The following GTF3C1 variants were observed in gnomAD, a reference collection of about 807,000 sequenced individuals.
GTF3C1 encodes general transcription factor 3C polypeptide 1.
GTF3C1 carries 57 observed loss-of-function variants against 226.7 expected under a neutral mutation model. That is an observed-to-expected ratio of 0.25 (90% CI 0.20 to 0.31). The LOEUF is 0.31. Ranked by LOEUF, GTF3C1 falls within the 10% of genes least tolerant of loss-of-function variation. The pLI, the probability that GTF3C1 is intolerant of heterozygous loss-of-function variation, is 1.00. For missense variants in GTF3C1, 2,217 were observed against 2,776.1 expected, an observed-to-expected ratio of 0.80 and a Z score of 4.53; for synonymous variants, 1,090 against 1,084.8, an observed-to-expected ratio of 1.00 and a Z score of -0.09.
rs370594003 is a variant in GTF3C1 at position 27,537,964 on chromosome 16, G to T, written c.609-37C>A. On this transcript the variant is annotated intron_variant, in intron 3 of 36. Coordinates refer to ENST00000356183, the MANE Select transcript of GTF3C1 (RefSeq NM_001520.4). Reference sequence around the variant, plus strand: ...GAGGAGCCATGTCATTTGCTTTGCTGGTAGTTTTATCAATGTATAGAGTCT... The same window carrying T: ...GAGGAGCCATGTCATTTGCTTTGCTTGTAGTTTTATCAATGTATAGAGTCT... The T allele has an allele frequency of 6.4e-5, 102 of 1,605,520 alleles. 1 individual carries two copies. The African/African-American group carries it at 1.2e-3, about 19-fold the overall frequency.
Position 27,502,936 on chromosome 16 carries a change from T to C in GTF3C1, c.1830A>G (p.Glu610=). ...TCCTGCGTTTCAGCAGTCGGTAAGT[T>C]TCGTGTGGTTTGTCTTGGCCTGAGC... The part of the protein sequence containing the change: ...RHSSGQDKPH[E]TYRLLKRRNL... The change falls in exon 11 of 37, where the codon GAA becomes GAG. Residue 610 remains glutamate (E), a synonymous_variant. Transcript: ENST00000356183. The C allele has an allele frequency of 6.2e-7, 1 of 1,613,662 alleles. No homozygotes were observed. The highest frequency in any genetic ancestry group is 8.5e-7 in the Non-Finnish European group (1 of 1,179,672).
rs1310432497 is a variant in GTF3C1 at position 27,469,294 on chromosome 16, C to T, written c.5071G>A (p.Ala1691Thr). 4.5e-6 allele frequency: 7 copies of T among 1,557,528 alleles called. No homozygotes were observed. The highest frequency in any genetic ancestry group is 4.1e-5 in the African/African-American group (3 of 73,788). ...CTPVPARLRP[A>T]AAPLEELTMG... ...CAGCACCAGCAGGAGCACTCACCAG[C>T]GGGCCTGAGCCGGGCGGGCACAGGG... Residue 1691 changes from alanine to threonine, a missense_variant, in exon 32 of 37, where the codon GCT (alanine) becomes ACT (threonine). This residue lies in a region of GTF3C1 where 455 missense variants were observed against 441.9 expected (regional missense o/e 1.03). Transcript: ENST00000356183. The surrounding 1 kb of genome is among the most constrained non-coding windows in gnomAD (Gnocchi z 4.5).
At chr16:27,514,355 T>G (rs566866911) in intron 6 of GTF3C1, among the ~76,000 whole-genome samples, 1 of 152,092 alleles carries the variant, frequency 6.6e-6, no homozygotes, top group Non-Finnish European at 1.5e-5. Flanking sequence ...GCTTAAGCAA[T>G]CAGGAGGGGA....
intron 9 of GTF3C1, among the ~76,000 whole-genome samples, 194 bp from the exon 10 acceptor site, chr16:27,506,310 A>G (rs1326930551): frequency 6.6e-6 from 1 of 152,150 alleles, no homozygotes; most frequent in East Asian, 1.9e-4. Context: ...CCACTTGGCC[A>G]GTGCTGATGT....
rs2088949634 is a variant in GTF3C1, at chr16:27,533,321, T to C, written c.819A>G (p.Ile273Met). 1.2e-6 allele frequency: 2 copies of C among 1,604,104 alleles called. No homozygotes were observed. Among genetic ancestry groups the C allele is most frequent in the Non-Finnish European group, 1.7e-6 (2 of 1,170,906 alleles). The change falls in exon 5 of 37, where the codon ATA becomes ATG. Residue 273 changes from isoleucine (I) to methionine (M), a missense_variant. Physicochemically the swap from Ile to Met is conservative, Grantham distance 10. Transcript: ENST00000356183. The part of the protein sequence containing the change: ...SVMLSTRTNH[I>M]ETLGKLREEL... Reference sequence around the variant, plus strand: ...CTTCCCTCAGCTTTCCCAGCGTCTCTATGTGGTTAGTCCGTGTGCTCAGCA... The same window carrying C: ...CTTCCCTCAGCTTTCCCAGCGTCTCCATGTGGTTAGTCCGTGTGCTCAGCA...
chr16:27,527,567 T>C (rs1304588613), intron 6 of GTF3C1, among the ~76,000 whole-genome samples: 1 of 152,226 alleles, frequency 6.6e-6, no homozygotes, highest in Non-Finnish European at 1.5e-5. Flanking sequence ...TGAGTACTGA[T>C]TGTTTAACCT....
At chr16:27,549,636 C>T in intron 1 of GTF3C1, 34 bp downstream of exon 1, 1 of 852,980 alleles carries the variant, frequency 1.2e-6, no homozygotes, top group Non-Finnish European at 1.9e-6. Context: ...CCTGCGCCCG[C>T]CCGCCCGCCC....
At position 27,505,953 on chromosome 16, in the gene GTF3C1, G is replaced by A; in HGVS notation, c.1716C>T (p.Asp572=). Residue 572 remains aspartate, a synonymous_variant, in exon 10 of 37, where the codon GAC becomes GAT. Transcript: ENST00000356183. ...PNVSFVSHCA[D]SNSGDIAVIE... ...TCACAGCTATGTCACCACTGTTGCT[G>A]TCCGCACAGTGGGAGACAAAGGACA... 1 of 1,613,040 alleles carries A rather than the reference G, an allele frequency of 6.2e-7. No individual in the cohort carries two copies. Among genetic ancestry groups the A allele is most frequent in the African/African-American group, 1.3e-5 (1 of 75,032 alleles).
In GTF3C1 at chr16:27,511,596, T is replaced by C. The variant is rs530705595; in HGVS notation, c.1126+153A>G. On this transcript the variant is annotated intron_variant, in intron 7 of 36. Transcript: ENST00000356183. ...CAGAGCAAGGATTCAAACTCCAATC[T>C]GACCTTGAAGCCTAAACCCTTCTGG... Among the ~76,000 whole-genome samples the C allele has an allele frequency of 3.3e-5, 5 of 152,346 alleles. No homozygotes were observed. In the East Asian group the frequency reaches 5.8e-4, roughly 18 times the overall value.
At chr16:27,534,502 G>A (rs2088970398) in intron 4 of GTF3C1, among the ~76,000 whole-genome samples, 1 of 152,218 alleles carries the variant, frequency 6.6e-6, no homozygotes, top group South Asian at 2.1e-4. Context: ...GACAGTTAAT[G>A]CATATGAGCC....
At chr16:27,488,865 G>A (rs1055147025) in intron 21 of GTF3C1, among the ~76,000 whole-genome samples, 178 bp downstream of exon 21, 10 of 152,288 alleles carry the variant, frequency 6.6e-5, no homozygotes, top group East Asian at 1.9e-4. Context: ...ACCTGTCCAC[G>A]TCACAGCGTA....
intron 13 of GTF3C1, 136 bp downstream of exon 13, chr16:27,498,486 CTAGGAGAT>C: frequency 1.5e-6 from 1 of 686,404 alleles, no homozygotes; most frequent in Non-Finnish European, 2.6e-6. Context: ...CTTATTGAGA[CTAGGAGAT>C]CATGAACCAT....
intron 32 of GTF3C1, 159 bp from the exon 33 acceptor site, chr16:27,465,699 G>C: frequency 3.2e-6 from 2 of 618,822 alleles, no homozygotes; most frequent in Non-Finnish European, 5.7e-6. Flanking sequence ...CTGGGCCCCT[G>C]GCAGTCAGGC....
chr16:27,498,218 CCTGT>C (rs146335220), intron 13 of GTF3C1, among the ~76,000 whole-genome samples: 6 of 152,354 alleles, frequency 3.9e-5, no homozygotes, highest in African/African-American at 1.4e-4. Flanking sequence ...CCTCTGCCTG[CCTGT>C]GAGAGTTTCT....
intron 32 of GTF3C1, among the ~76,000 whole-genome samples, chr16:27,468,974 G>A (rs1449544165): frequency 6.6e-6 from 1 of 152,220 alleles, no homozygotes; most frequent in Non-Finnish European, 1.5e-5. Context: ...CGCCCGTGGA[G>A]AGTGGGCGGG....
chr16:27,462,596 T>C lies in GTF3C1; in HGVS notation c.5925-110A>G, dbSNP rs2087722792. ...CTAGGCCTGGCCCAGGTCACAGGGC[T>C]GAGACCAGCCACCTCTTGCTCTCTG... is the stretch of plus-strand genomic sequence containing the variant. On this transcript the variant is annotated intron_variant, in intron 35 of 36. Coordinates refer to ENST00000356183, the MANE Select transcript of GTF3C1 (RefSeq NM_001520.4). The surrounding 1 kb of genome is among the most constrained non-coding windows in gnomAD (Gnocchi z 4.5). 1.4e-6 allele frequency: 1 copy of C among 739,550 alleles called. No homozygotes were observed. The highest frequency in any genetic ancestry group is 2.7e-5 in the East Asian group (1 of 37,258). The allele number at this position is 739,550 out of a possible 1,614,324, so 45.8% of individuals were successfully genotyped here. A position where few individuals can be genotyped will look rare whatever the true frequency, so the allele number is the denominator to read the frequency against.
intron 19 of GTF3C1, among the ~76,000 whole-genome samples, chr16:27,491,757 T>C (rs968746549): frequency 2.0e-5 from 3 of 152,200 alleles, no homozygotes; most frequent in Admixed American, 6.5e-5. Context: ...CCTACCCACA[T>C]GGCCTCCTCT....
intron 27 of GTF3C1, among the ~76,000 whole-genome samples, chr16:27,478,852 A>G (rs1204433630): frequency 1.4e-5 from 2 of 140,732 alleles, no homozygotes; most frequent in Non-Finnish European, 3.1e-5. Flanking sequence ...GTTACAATCC[A>G]AAAAAAAAAA....
At chr16:27,480,442 A>G (rs1370014536) in intron 27 of GTF3C1, among the ~76,000 whole-genome samples, 1 of 152,182 alleles carries the variant, frequency 6.6e-6, no homozygotes, top group Admixed American at 6.5e-5. Context: ...GACATACATT[A>G]TCTGTTGAGT....
Sources: allele counts gnomAD v4.1 joint callset (sites outside exome capture counted in the v4.1 genomes callset), GRCh38; gene constraint gnomAD v4.1.1; regional missense constraint gnomAD v4.1.1; non-coding constraint Gnocchi (gnomAD v3.1); transcripts MANE v1.5; gene names NCBI Gene and HGNC (gene_info 2026-07-23, HGNC 2026-07-21).